HIP1: variants seen among roughly 807,000 people sequenced by gnomAD.
The protein encoded by HIP1 is huntingtin interacting protein 1, also known as huntingtin-interacting protein 1.
HIP1 carries 65 observed loss-of-function variants against 147.6 expected under a neutral mutation model. The observed-to-expected ratio is 0.44, with a 90% CI of 0.36 to 0.54. HIP1 has a LOEUF of 0.54. Among genes scored for constraint, HIP1 ranks in the 20% least tolerant of loss-of-function variants. The pLI is 0.00. For missense variants in HIP1, 1,061 were observed against 1,299.6 expected, an observed-to-expected ratio of 0.82 and a Z score of 2.82; for synonymous variants, 479 against 504.0, an observed-to-expected ratio of 0.95 and a Z score of 0.67.
chr7:75,692,873 A>G (rs1190054713), intron 1 of HIP1, among the ~76,000 whole-genome samples: 1 of 151,986 alleles, frequency 6.6e-6, no homozygotes, highest in Non-Finnish European at 1.5e-5. Flanking sequence ...TGTATAAATT[A>G]TGACGATGCA....
At chr7:75,641,681 G>C (rs1239577937) in intron 1 of HIP1, among the ~76,000 whole-genome samples, 1 of 151,808 alleles carries the variant, frequency 6.6e-6, no homozygotes, top group Non-Finnish European at 1.5e-5. Context: ...ATTTATAGTA[G>C]AGACGGGGTT....
At chr7:75,605,642 C>T (rs60736603) in intron 1 of HIP1, among the ~76,000 whole-genome samples, 12,038 of 152,140 alleles carry the variant, frequency 0.079, 806 homozygotes, top group East Asian at 0.21. Flanking sequence ...GAGTGATTCT[C>T]CTGTCTCAGC....
In HIP1 at chr7:75,559,643, C is replaced by T. The variant is rs1251063244; in HGVS notation, c.1375+89G>A. The T allele has an allele frequency of 4.6e-6, 5 of 1,076,386 alleles. 1 individual carries two copies. The Admixed American group carries it at 1.4e-4, about 30-fold the overall frequency. 66.7% of individuals were successfully genotyped at this position (1,076,386 alleles called of 1,614,324 possible). ...GAAAGACAGTCTGGGTCTCCCCCACCCAGCCTCTGTGCCGCATCCTGAGTC... is the reference window on the plus strand; with the variant it reads ...GAAAGACAGTCTGGGTCTCCCCCACTCAGCCTCTGTGCCGCATCCTGAGTC... On this transcript the variant is annotated intron_variant, in intron 14 of 30. Coordinates refer to ENST00000336926, the MANE Select transcript of HIP1 (RefSeq NM_005338.7).
intron 7 of HIP1, among the ~76,000 whole-genome samples, chr7:75,580,172 C>G (rs1389344753): frequency 1.3e-5 from 2 of 152,150 alleles, no homozygotes; most frequent in African/African-American, 4.8e-5. Flanking sequence ...GGGTGACAAC[C>G]AATCCTGACC....
intron 29 of HIP1, 33 bp from the exon 30 acceptor site, chr7:75,539,464 A>ATT: frequency 6.6e-7 from 1 of 1,508,312 alleles, no homozygotes; most frequent in Non-Finnish European, 9.2e-7. Flanking sequence ...TTTTCTCTTA[A>ATT]TCATCTCTCA....
chr7:75,615,977 T>TC (rs1797639060), intron 1 of HIP1, among the ~76,000 whole-genome samples: 1 of 147,044 alleles, frequency 6.8e-6, no homozygotes, highest in Non-Finnish European at 1.5e-5. Flanking sequence ...TCCCAGCTAC[T>TC]CAGCAGGCTG....
At chr7:75,575,598 C>T (rs1795816990) in intron 7 of HIP1, among the ~76,000 whole-genome samples, 1 of 152,196 alleles carries the variant, frequency 6.6e-6, no homozygotes, top group Non-Finnish European at 1.5e-5. Flanking sequence ...CCTCCACCCT[C>T]TTGAGTTTCA....
At chr7:75,720,220 G>A (rs1801457621) in intron 1 of HIP1, among the ~76,000 whole-genome samples, 1 of 152,106 alleles carries the variant, frequency 6.6e-6, no homozygotes, top group East Asian at 1.9e-4. Context: ...GAGTGCAGTG[G>A]TGTGATCTTG....
At chr7:75,550,893 T>G (rs926250316) in intron 22 of HIP1, among the ~76,000 whole-genome samples, 1 of 152,138 alleles carries the variant, frequency 6.6e-6, no homozygotes, top group African/African-American at 2.4e-5. Context: ...ATGTATATAC[T>G]CTAGAGAAAC....
chr7:75,729,912 G>A (rs1385900797), intron 1 of HIP1, among the ~76,000 whole-genome samples: 1 of 152,168 alleles, frequency 6.6e-6, no homozygotes, highest in Admixed American at 6.5e-5. Context: ...ATAAGAGCAG[G>A]AAATGCAAGA....
intron 1 of HIP1, among the ~76,000 whole-genome samples, chr7:75,650,330 A>G (rs1798930634): frequency 6.6e-6 from 1 of 151,956 alleles, no homozygotes. Flanking sequence ...CCTCCCTGTA[A>G]GTGGTAATTT....
intron 24 of HIP1, among the ~76,000 whole-genome samples, chr7:75,547,330 C>T (rs1393685841): frequency 7.9e-5 from 12 of 152,172 alleles, no homozygotes; most frequent in Admixed American, 5.9e-4. Context: ...TGCAGAGGCA[C>T]GATCTTGGCT....
At chr7:75,625,758 G>A (rs1237438991) in intron 1 of HIP1, 1 of 152,122 alleles carries the variant, frequency 6.6e-6, no homozygotes, top group Non-Finnish European at 1.5e-5. Flanking sequence ...TCTTTTATAA[G>A]GACAAATGCC....
intron 2 of HIP1, among the ~76,000 whole-genome samples, chr7:75,595,247 TCTTTCTTC>T (rs1207875078): frequency 0.045 from 3,621 of 81,258 alleles, 61 homozygotes; most frequent in East Asian, 0.097. Flanking sequence ...TTTCTTTCTT[TCTTTCTTC>T]CTTCCTTCCT....
rs531938445 is a variant in HIP1 at position 75,639,249 on chromosome 7, AG to A, written c.121-40003del. The A allele has an allele frequency of 3.9e-5, 20 of 511,626 alleles. No homozygotes were observed. In the East Asian group the frequency reaches 4.3e-3, roughly 109 times the overall value. The allele number at this position is 511,626 out of a possible 1,614,324, so 31.7% of individuals were successfully genotyped here. Reference sequence around the variant, plus strand: ...AGGCTGGACCGGAGAAAGGAAGGGGAGGGGGAGGGGAGGCGGCGAGGGGGAG... The same window carrying A: ...AGGCTGGACCGGAGAAAGGAAGGGGAGGGGAGGGGAGGCGGCGAGGGGGAG... On this transcript the variant is annotated intron_variant, in intron 1 of 30. Coordinates refer to ENST00000336926, the MANE Select transcript of HIP1 (RefSeq NM_005338.7).
intron 2 of HIP1, among the ~76,000 whole-genome samples, chr7:75,593,994 C>T (rs1232309735): frequency 1.3e-5 from 2 of 151,442 alleles, no homozygotes; most frequent in Non-Finnish European, 2.9e-5. Context: ...AATAAATGTC[C>T]ATCAGGGTGG....
At chr7:75,656,591 C>T (rs189093432) in intron 1 of HIP1, among the ~76,000 whole-genome samples, 13 of 152,270 alleles carry the variant, frequency 8.5e-5, no homozygotes, top group Admixed American at 5.9e-4. Context: ...GATTCTCCTG[C>T]CTCAGCCTCT....
At chr7:75,722,891 A>C (rs895870758) in intron 1 of HIP1, among the ~76,000 whole-genome samples, 2 of 152,186 alleles carry the variant, frequency 1.3e-5, no homozygotes, top group African/African-American at 4.8e-5. Flanking sequence ...ACTTTTGTGC[A>C]TGAGTGCCAG....
At chr7:75,675,431 T>C (rs1799859111) in intron 1 of HIP1, among the ~76,000 whole-genome samples, 1 of 152,096 alleles carries the variant, frequency 6.6e-6, no homozygotes, top group Admixed American at 6.6e-5. Context: ...AAACTCCTGA[T>C]CTCAGGTGTT....
Sources: gnomAD v4.1 joint callset for allele counts (sites outside exome capture counted in the v4.1 genomes callset) on GRCh38, gnomAD v4.1.1 for gene constraint, MANE v1.5 for transcripts, NCBI Gene and HGNC (gene_info 2026-07-23, HGNC 2026-07-21) for gene names.